LRRD1: variants seen among roughly 807,000 people sequenced by gnomAD.
The protein encoded by LRRD1 is leucine-rich repeat and death domain-containing protein 1.
Under a neutral mutation model 69.5 loss-of-function variants are expected in LRRD1, and 49 were observed. That is an observed-to-expected ratio of 0.70 (90% CI 0.56 to 0.89). The LOEUF (loss-of-function observed/expected upper bound fraction) is 0.89. Among genes scored for constraint, LRRD1 ranks in the 40% least tolerant of loss-of-function variants. The probability of loss-of-function intolerance (pLI) is 0.00; values close to 1 mark genes in which losing one functional copy is unlikely to be tolerated. For synonymous variants in LRRD1, 303 were observed against 338.9 expected (o/e 0.89, Z 1.16); for missense variants, 853 against 956.0 (o/e 0.89, Z 1.42).
chr7:92,146,197 T>C lies in LRRD1; in HGVS notation c.2282A>G (p.Lys761Arg), dbSNP rs569197652. The change falls in exon 5 of 6, where the codon AAA becomes AGA. Residue 761 changes from lysine to arginine, a missense_variant. This residue lies in a region of LRRD1 where 739 missense variants were observed against 808.0 expected (regional missense o/e 0.91). Coordinates refer to ENST00000458448, the MANE Select transcript of LRRD1 (RefSeq NM_001161528.2). Reference protein sequence around the residue: ...YLQRADERDEKILEKIFKIVA... With the variant: ...YLQRADERDERILEKIFKIVA... Reference sequence around the variant, plus strand: ...TATCTTGAATATCTTCTCTAAAATTTTCTCTACGTTTGAACATAAAATAAA... The same window carrying C: ...TATCTTGAATATCTTCTCTAAAATTCTCTCTACGTTTGAACATAAAATAAA... The C allele has an allele frequency of 1.6e-5, 23 of 1,417,912 alleles. No homozygotes were observed. The South Asian group carries it at 2.7e-4, about 16-fold the overall frequency. The allele number at this position is 1,417,912 out of a possible 1,614,324, so 87.8% of individuals were successfully genotyped here.
intron 1 of LRRD1, among the ~76,000 whole-genome samples, chr7:92,174,536 T>TTTTTTTTTTTTTTTTTTTTTTTTTTTTC (rs1789149655): frequency 1.1e-5 from 1 of 87,672 alleles, no homozygotes; most frequent in African/African-American, 4.2e-5. Flanking sequence ...TTTTTTTTTT[T>TTTTTTTTTTTTTTTTTTTTTTTTTTTTC]TGAGACAGAG....
At chr7:92,143,697 G>A (rs531378003), downstream of LRRD1, among the ~76,000 whole-genome samples, 57 of 152,262 alleles carry the variant, frequency 3.7e-4, 1 homozygote, top group Admixed American at 1.4e-3. Flanking sequence ...GTTCCCGCCC[G>A]CGCCTCTCCC....
Position 92,157,451 on chromosome 7 carries a change from G to A in LRRD1, c.2116+1554C>T, listed in dbSNP as rs183832857. On this transcript the variant is annotated intron_variant, in intron 3 of 5. Transcript: ENST00000458448. ...CAAGTAATGTCTTTGTCTTATTATG[G>A]TATTAGGATAATGCTGGCCTCAGAA... Among the ~76,000 whole-genome samples the A allele has an allele frequency of 4.6e-5, 7 of 152,136 alleles. No individual in the cohort carries two copies. The East Asian group carries it at 1.2e-3, about 25-fold the overall frequency.
In LRRD1 at chr7:92,144,955, A is replaced by G. The variant is rs1209703057; in HGVS notation, c.2516T>C (p.Ile839Thr). The change falls in exon 6 of 6, where the codon ATA becomes ACA. Residue 839 changes from isoleucine (I) to threonine (T), a missense_variant. Transcript: ENST00000458448. ...TTTGTCCATAATTTCATATGCTCCTATCATAGTTAGTGCTCGAATTAGTTG... is the reference window on the plus strand; with the variant it reads ...TTTGTCCATAATTTCATATGCTCCTGTCATAGTTAGTGCTCGAATTAGTTG... ...RDQLIRALTM[I>T]GAYEIMDKIT... is the part of the protein sequence containing the mutation. 1.9e-6 allele frequency: 3 copies of G among 1,545,774 alleles called. No homozygotes were observed. The highest frequency in any genetic ancestry group is 2.0e-5 in the Admixed American group (1 of 50,818).
At chr7:92,150,755 AATAAC>A (rs1820446772) in intron 3 of LRRD1, 60 bp from the exon 4 acceptor site, 1 of 1,246,042 alleles carries the variant, frequency 8.0e-7, no homozygotes, top group Admixed American at 2.3e-5. Flanking sequence ...TATGGAGACA[AATAAC>A]ATCTGTTATG....
At position 92,163,397 on chromosome 7, in the gene LRRD1, T is replaced by C; in HGVS notation, c.1806A>G (p.Lys602=). Residue 602 remains lysine (K), a synonymous_variant, in exon 2 of 6, where the codon AAA becomes AAG. Transcript: ENST00000458448. ...QKISSDICNL[K]GIQKLNFSSN... is the part of the protein sequence containing the mutation. ...TTGAGAAGTTTAATTTCTGGATTCCTTTTAAATTACAGATGTCTGAAGAGA... is the reference window on the plus strand; with the variant it reads ...TTGAGAAGTTTAATTTCTGGATTCCCTTTAAATTACAGATGTCTGAAGAGA... The C allele has an allele frequency of 2.6e-6, 4 of 1,547,348 alleles. No individual in the cohort carries two copies. The South Asian group carries it at 3.6e-5, about 14-fold the overall frequency.
At chr7:92,156,648 A>G (rs1001903164) in intron 3 of LRRD1, among the ~76,000 whole-genome samples, 4 of 152,214 alleles carry the variant, frequency 2.6e-5, no homozygotes, top group Admixed American at 6.5e-5. Context: ...GTATACGGCA[A>G]TCTTGCTAAA....
rs1200383686 is a variant in LRRD1 at position 92,164,441 on chromosome 7, T to C, written c.762A>G (p.Glu254=). 1.3e-6 allele frequency: 2 copies of C among 1,550,250 alleles called. No individual in the cohort carries two copies. The highest frequency in any genetic ancestry group is 1.7e-6 in the Non-Finnish European group (2 of 1,146,480). ...NYIENFPSDL[E]CLGNLEILSL... ...TTAAAATTTCCAAGTTTCCAAGACA[T>C]TCTAAGTCAGAAGGAAAATTTTCAA... The change falls in exon 2 of 6, where the codon GAA becomes GAG. Residue 254 remains glutamate (E), a synonymous_variant. Coordinates refer to ENST00000458448, the MANE Select transcript of LRRD1 (RefSeq NM_001161528.2).
chr7:92,175,250 T>C (rs1789166939), intron 1 of LRRD1, among the ~76,000 whole-genome samples: 1 of 152,200 alleles, frequency 6.6e-6, no homozygotes, highest in African/African-American at 2.4e-5. Flanking sequence ...AATTTTATGG[T>C]TTTTTGCTTT....
chr7:92,147,370 T>G (rs1170568693), intron 4 of LRRD1, among the ~76,000 whole-genome samples: 2 of 152,148 alleles, frequency 1.3e-5, no homozygotes, highest in East Asian at 3.9e-4. Context: ...ACTGGGCCTA[T>G]TTATAAGCAA....
At chr7:92,169,790 C>T (rs1789009304) in intron 1 of LRRD1, among the ~76,000 whole-genome samples, 1 of 151,838 alleles carries the variant, frequency 6.6e-6, no homozygotes, top group Non-Finnish European at 1.5e-5. Context: ...CAAAGAAGGC[C>T]AGGCACAGTG....
intron 1 of LRRD1, among the ~76,000 whole-genome samples, chr7:92,167,155 G>T (rs2131013220): frequency 6.6e-6 from 1 of 151,158 alleles, no homozygotes; most frequent in East Asian, 2.0e-4. Context: ...GAGTGCAGTG[G>T]TGCTATCTTG....
At chr7:92,143,992 T>C (rs2130974311), downstream of LRRD1, among the ~76,000 whole-genome samples, 1 of 152,352 alleles carries the variant, frequency 6.6e-6, no homozygotes, top group Non-Finnish European at 1.5e-5. Flanking sequence ...CAAGGTCAGC[T>C]CCACATTGAA....
rs565796228 is a variant in LRRD1, at chr7:92,151,421, A to G, written c.2117-726T>C. On this transcript the variant is annotated intron_variant, in intron 3 of 5. Coordinates refer to ENST00000458448, the MANE Select transcript of LRRD1 (RefSeq NM_001161528.2). The stretch of plus-strand genomic sequence containing the variant: ...CACAGAGGTGAAGTGCACTTATCAC[A>G]TTATATCAGAGATACCTCATATCCG... 4.2e-4 allele frequency among the ~76,000 whole-genome samples: 64 copies of G among 152,334 alleles called. 1 individual carries two copies. Among genetic ancestry groups the G allele is most frequent in the Non-Finnish European group, 2.9e-5 (2 of 68,028 alleles).
At chr7:92,175,960 T>G (rs1383752569) in intron 1 of LRRD1, among the ~76,000 whole-genome samples, 2 of 152,230 alleles carry the variant, frequency 1.3e-5, no homozygotes, top group Non-Finnish European at 2.9e-5. Flanking sequence ...TTATCTAAGT[T>G]GGTATCAATA....
chr7:92,142,165 A>G (rs367969942), downstream of LRRD1: 24 of 236,658 alleles, frequency 1.0e-4, no homozygotes, highest in South Asian at 1.2e-3. Context: ...GATGGTCTCG[A>G]TCTCCTGACC....
chr7:92,142,859 G>C (rs568662804), downstream of LRRD1: 3 of 390,506 alleles, frequency 7.7e-6, no homozygotes, highest in Non-Finnish European at 1.5e-5. Flanking sequence ...GCTCATAAAG[G>C]CAGTGTGGAC....
intron 1 of LRRD1, among the ~76,000 whole-genome samples, chr7:92,168,703 G>T (rs928242288): frequency 1.6e-4 from 23 of 148,258 alleles, no homozygotes; most frequent in African/African-American, 2.2e-4. Context: ...AAATTACAAA[G>T]AATCTGTAAG....
At chr7:92,142,510 A>C (rs753618328), downstream of LRRD1, 16 of 456,752 alleles carry the variant, frequency 3.5e-5, no homozygotes, top group South Asian at 2.5e-4. Context: ...AAAGATCCAA[A>C]AGAAACTGTT....
Sources: gnomAD v4.1 joint callset for allele counts (sites outside exome capture counted in the v4.1 genomes callset) on GRCh38, gnomAD v4.1.1 for gene constraint, gnomAD v4.1.1 regional missense constraint, MANE v1.5 for transcripts, NCBI Gene and HGNC (gene_info 2026-07-23, HGNC 2026-07-21) for gene names.